SERPINB13: variants seen among roughly 807,000 people sequenced by gnomAD.
SERPINB13 encodes the protein serpin B13.
Under a neutral mutation model 31.2 loss-of-function variants are expected in SERPINB13, and 26 were observed. The observed-to-expected ratio is 0.83, with a 90% CI of 0.61 to 1.15. SERPINB13 has a LOEUF of 1.15. SERPINB13 is among the 50% of genes most tolerant of loss of function. The probability of loss-of-function intolerance (pLI) is 0.00; values close to 1 mark genes in which losing one functional copy is unlikely to be tolerated. For missense variants in SERPINB13, 510 were observed against 469.4 expected, an observed-to-expected ratio of 1.09 and a Z score of -0.80; for synonymous variants, 191 against 172.4, an observed-to-expected ratio of 1.11 and a Z score of -0.85.
chr18:63,588,862 T>C (rs1911670758), intron 2 of SERPINB13, 30 bp downstream of exon 2: 2 of 1,588,272 alleles, frequency 1.3e-6, no homozygotes, highest in Non-Finnish European at 1.7e-6. Flanking sequence ...CTTCCTTGTT[T>C]CCTATGCACA....
chr18:63,592,923 G>A lies in SERPINB13; in HGVS notation c.424G>A (p.Asp142Asn), dbSNP rs138290904. Residue 142 changes from aspartate to asparagine, a missense_variant, in exon 5 of 8, where the codon GAT (aspartate) becomes AAT (asparagine). Transcript: ENST00000344731. ...ACCTGTTGATTTTGTAAATGCAGCC[G>A]ATGAAAGTCGAAAGAAGATTAATTC... is the stretch of plus-strand genomic sequence containing the variant. ...LEPVDFVNAA[D>N]ESRKKINSWV... is the part of the protein sequence containing the mutation. 1.9e-4 allele frequency: 301 copies of A among 1,613,380 alleles called. No homozygotes were observed. Among genetic ancestry groups the A allele is most frequent in the Non-Finnish European group, 2.5e-4 (291 of 1,179,594 alleles).
chr18:63,589,248 T>G (rs879769940), intron 2 of SERPINB13, among the ~76,000 whole-genome samples: 2 of 152,162 alleles, frequency 1.3e-5, no homozygotes, highest in Admixed American at 6.5e-5. Flanking sequence ...CTTGAACTCC[T>G]GACCTCAGGT....
chr18:63,595,022 G>C lies in SERPINB13; in HGVS notation c.616-7G>C. ...TTGATATTGTGTGCTCTGTTAATTT[G>C]TTGCAGAGCACAAGTAAATCTGTAC... On this transcript the variant is annotated splice_polypyrimidine_tract_variant and splice_region_variant and intron_variant, in intron 6 of 7. Coordinates refer to ENST00000344731, the MANE Select transcript of SERPINB13 (RefSeq NM_012397.4). 1.2e-6 allele frequency: 2 copies of C among 1,602,742 alleles called. No homozygotes were observed. The highest frequency in any genetic ancestry group is 1.7e-6 in the Non-Finnish European group (2 of 1,176,358).
chr18:63,595,223 T>C, intron 7 of SERPINB13, 39 bp downstream of exon 7: 1 of 1,571,758 alleles, frequency 6.4e-7, no homozygotes. Context: ...TTTCATTTCC[T>C]AAGGCTTTTT....
Position 63,596,979 on chromosome 18 carries a change from T to C in SERPINB13, c.792T>C (p.Pro264=). ...AATAGATAATAGATAAAATAAGTCC[T>C]GAGAAATTGGTAGAGTGGACTAGTC... ...GLEKIIDKIS[P]EKLVEWTSPG... is the part of the protein sequence containing the mutation. The change falls in exon 8 of 8, where the codon CCT becomes CCC. Residue 264 remains proline, a synonymous_variant. Coordinates refer to ENST00000344731, the MANE Select transcript of SERPINB13 (RefSeq NM_012397.4). The C allele has an allele frequency of 1.2e-6, 2 of 1,609,624 alleles. No individual in the cohort carries two copies. The highest frequency in any genetic ancestry group is 4.5e-5 in the East Asian group (2 of 44,810).
chr18:63,594,194 C>T, intron 5 of SERPINB13, 161 bp from the exon 6 acceptor site: 1 of 1,527,836 alleles, frequency 6.5e-7, no homozygotes. Context: ...ATGAGAACCT[C>T]CCCGTCGATT....
At chr18:63,594,645 C>T in intron 6 of SERPINB13, 148 bp downstream of exon 6, 2 of 834,778 alleles carry the variant, frequency 2.4e-6, no homozygotes, top group Non-Finnish European at 3.7e-6. Context: ...TCGAGACTAT[C>T]CTTGCCAACA....
intron 7 of SERPINB13, among the ~76,000 whole-genome samples, 161 bp from the exon 8 acceptor site, chr18:63,596,798 A>G (rs905081751): frequency 6.6e-6 from 1 of 152,246 alleles, no homozygotes; most frequent in African/African-American, 2.4e-5. Context: ...GAGAGATATA[A>G]GACAACCGCC....
intron 4 of SERPINB13, 65 bp downstream of exon 4, chr18:63,592,541 G>A (rs989117556): frequency 9.8e-6 from 15 of 1,535,340 alleles, no homozygotes; most frequent in Non-Finnish European, 1.3e-5. Flanking sequence ...GCCCTGGTAG[G>A]ACTATGGGTC....
rs148515445 is a variant in SERPINB13 at position 63,592,796 on chromosome 18, G to A, written c.355-58G>A. 2,805 of 1,082,460 alleles carry A rather than the reference G, an allele frequency of 2.6e-3. 55 individuals are homozygous for A. Among genetic ancestry groups the A allele is most frequent in the Non-Finnish European group, 4.8e-4 (350 of 725,590 alleles). The allele number at this position is 1,082,460 out of a possible 1,614,324, so 67.1% of individuals were successfully genotyped here. ...ATACATAAATTTATTTAGAGATGTT[G>A]GCAATTGATAAATTGAGTTTTTAAC... is the stretch of plus-strand genomic sequence containing the variant. On this transcript the variant is annotated intron_variant, in intron 4 of 7. Transcript: ENST00000344731.
chr18:63,593,021 A>T, intron 5 of SERPINB13, 50 bp downstream of exon 5: 2 of 1,216,852 alleles, frequency 1.6e-6, no homozygotes, highest in Non-Finnish European at 2.4e-6. Context: ...ACAAAGAAAC[A>T]AACAAACAAA....
chr18:63,598,035 C>T lies in SERPINB13; in HGVS notation c.*672C>T, dbSNP rs1206806658. ...TTGATCAGTATTCCTCCTCTATCAC[C>T]TTTTTAGACTTTGTAAGGTAAATAT... On this transcript the variant is annotated 3_prime_UTR_variant, in exon 8 of 8. Coordinates refer to ENST00000344731, the MANE Select transcript of SERPINB13 (RefSeq NM_012397.4). The T allele has an allele frequency of 2.0e-5, 3 of 151,462 alleles. No individual in the cohort carries two copies. Among genetic ancestry groups the T allele is most frequent in the Non-Finnish European group, 4.4e-5 (3 of 67,926 alleles). The allele number at this position is 151,462 out of a possible 1,614,324, so 9.4% of individuals were successfully genotyped here.
intron 1 of SERPINB13, among the ~76,000 whole-genome samples, chr18:63,587,985 C>T (rs1911610000): frequency 6.6e-6 from 1 of 152,090 alleles, no homozygotes; most frequent in East Asian, 1.9e-4. Context: ...AAAAGAAAAC[C>T]CTTTCATCTC....
rs765056849 is a variant in SERPINB13, at chr18:63,597,510, A to G, written c.*147A>G. On this transcript the variant is annotated 3_prime_UTR_variant, in exon 8 of 8. Coordinates refer to ENST00000344731, the MANE Select transcript of SERPINB13 (RefSeq NM_012397.4). ...TCAAATCAATGATTTAATGACTCCA[A>G]TAATGTGTGTGTTTATAACCATCCT... is the stretch of plus-strand genomic sequence containing the variant. 1 of 833,372 alleles carries G rather than the reference A, an allele frequency of 1.2e-6. No individual in the cohort carries two copies. Among genetic ancestry groups the G allele is most frequent in the Non-Finnish European group, 1.9e-6 (1 of 540,516 alleles). The allele number at this position is 833,372 out of a possible 1,614,324, so 51.6% of individuals were successfully genotyped here.
At chr18:63,592,259 G>A (rs1911896499) in intron 3 of SERPINB13, 89 bp from the exon 4 acceptor site, 1 of 1,447,304 alleles carries the variant, frequency 6.9e-7, no homozygotes, top group Middle Eastern at 1.8e-4. Flanking sequence ...CAAACGGAGG[G>A]AGAGACCCAG....
intron 7 of SERPINB13, among the ~76,000 whole-genome samples, 182 bp downstream of exon 7, chr18:63,595,366 T>C (rs1005746829): frequency 3.3e-5 from 5 of 152,178 alleles, no homozygotes; most frequent in African/African-American, 1.2e-4. Context: ...TGAGAACAAC[T>C]AATCCTAGAA....
At chr18:63,591,364 C>T (rs555848916) in intron 3 of SERPINB13, among the ~76,000 whole-genome samples, 19 of 151,408 alleles carry the variant, frequency 1.3e-4, no homozygotes, top group African/African-American at 1.7e-4. Flanking sequence ...TTGATGGGGC[C>T]GGCCTTCCTT....
At chr18:63,590,578 C>T (rs1911794211) in intron 3 of SERPINB13, among the ~76,000 whole-genome samples, 1 of 152,190 alleles carries the variant, frequency 6.6e-6, no homozygotes, top group Non-Finnish European at 1.5e-5. Flanking sequence ...AATGTTCCCT[C>T]AACTGAGAAG....
Position 63,588,677 on chromosome 18 carries a change from C to T in SERPINB13, c.10C>T (p.Leu4Phe), listed in dbSNP as rs754263305. The T allele has an allele frequency of 5.0e-6, 8 of 1,614,066 alleles. No homozygotes were observed. The highest frequency in any genetic ancestry group is 1.7e-5 in the Admixed American group (1 of 60,006). The stretch of plus-strand genomic sequence containing the variant: ...TCTCGCTAAAATCATCATGGATTCA[C>T]TTGGCGCCGTCAGCACTCGACTTGG... MDS[L>F]GAVSTRLGFD... is the part of the protein sequence containing the mutation. The change falls in exon 2 of 8, where the codon CTT (leucine) becomes TTT (phenylalanine). Residue 4 changes from leucine to phenylalanine, a missense_variant. Physicochemically the swap from Leu to Phe is conservative, Grantham distance 22 (BLOSUM62 0). Coordinates refer to ENST00000344731, the MANE Select transcript of SERPINB13 (RefSeq NM_012397.4).
Sources: gnomAD v4.1 joint callset for allele counts (sites outside exome capture counted in the v4.1 genomes callset) on GRCh38, gnomAD v4.1.1 for gene constraint, MANE v1.5 for transcripts, NCBI Gene and HGNC (gene_info 2026-07-23, HGNC 2026-07-21) for gene names.